BLTP1: variants seen among roughly 807,000 people sequenced by gnomAD.
BLTP1 encodes the protein fragile site-associated protein.
chr4:122,249,947 G>C, the BLTP1 span: 2 of 981,848 alleles, frequency 2.0e-6, no homozygotes, highest in Non-Finnish European at 2.4e-6. Flanking sequence ...AAAATATAAA[G>C]CCACCCAATT....
At chr4:122,213,158 G>A in the BLTP1 span, among the ~76,000 whole-genome samples, 1 of 152,026 alleles carries the variant, frequency 6.6e-6, no homozygotes, top group East Asian at 1.9e-4. Context: ...TCAGCCTGTT[G>A]AGTAGCTAGG....
At chr4:122,356,635 C>G in the BLTP1 span, 1 of 1,611,754 alleles carries the variant, frequency 6.2e-7, no homozygotes, top group East Asian at 2.2e-5. Context: ...CAGCCTGAAG[C>G]CAAAAGTAGA....
At chr4:122,305,973 T>G in the BLTP1 span, 2 of 1,612,414 alleles carry the variant, frequency 1.2e-6, no homozygotes, top group Non-Finnish European at 1.7e-6. Flanking sequence ...CAGTGGTTCT[T>G]CAGATAGGGA....
chr4:122,294,342 G>A, the BLTP1 span, among the ~76,000 whole-genome samples: 1 of 152,326 alleles, frequency 6.6e-6, no homozygotes, highest in South Asian at 2.1e-4. Flanking sequence ...GACACCTCCT[G>A]TAGGAGTGTT....
chr4:122,215,285 CTT>C, the BLTP1 span: 1 of 840,374 alleles, frequency 1.2e-6, no homozygotes, highest in Non-Finnish European at 1.4e-6. Flanking sequence ...TATCTTTTTT[CTT>C]TTTACTGTAA....
At chr4:122,220,257 G>A in the BLTP1 span, 2 of 1,476,246 alleles carry the variant, frequency 1.4e-6, no homozygotes, top group African/African-American at 1.4e-5. Context: ...CATGACAGAT[G>A]TAATTTTTAT....
At chr4:122,289,212 T>G in the BLTP1 span, 1 of 1,529,716 alleles carries the variant, frequency 6.5e-7, no homozygotes, top group Non-Finnish European at 9.0e-7. Context: ...TCTAGTACCT[T>G]ATAGTATAGG....
chr4:122,222,307 T>C, the BLTP1 span, among the ~76,000 whole-genome samples: 5 of 152,156 alleles, frequency 3.3e-5, no homozygotes, highest in Admixed American at 2.6e-4. Context: ...CAAATCTGGG[T>C]TACCCACTTG....
chr4:122,239,759 GAGA>G, the BLTP1 span: 1 of 1,614,112 alleles, frequency 6.2e-7, no homozygotes, highest in East Asian at 2.2e-5. Flanking sequence ...CAAAGCAGAG[GAGA>G]AGTTTTGGTT....
the BLTP1 span, chr4:122,273,545 A>AAATGAGTATG: frequency 3.9e-6 from 2 of 509,564 alleles, no homozygotes; most frequent in Non-Finnish European, 5.1e-6. Flanking sequence ...GAATGACCAT[A>AAATGAGTATG]CTCATTTATG....
At chr4:122,219,971 T>A in the BLTP1 span, among the ~76,000 whole-genome samples, 1 of 152,036 alleles carries the variant, frequency 6.6e-6, no homozygotes, top group African/African-American at 2.4e-5. Context: ...ACCCTGGGGG[T>A]TGAATTATGT....
the BLTP1 span, among the ~76,000 whole-genome samples, chr4:122,220,115 G>A: frequency 4.6e-5 from 7 of 152,192 alleles, no homozygotes; most frequent in Non-Finnish European, 8.8e-5. Context: ...GTGTGTGTCC[G>A]GGTTGCAGTG....
the BLTP1 span, chr4:122,345,874 G>A: frequency 5.4e-6 from 1 of 184,038 alleles, no homozygotes; most frequent in Non-Finnish European, 1.0e-5. Context: ...ATAAACTTAA[G>A]TATAAGTTGT....
At chr4:122,185,285 T>C in the BLTP1 span, 1 of 981,274 alleles carries the variant, frequency 1.0e-6, no homozygotes, top group Non-Finnish European at 1.2e-6. Context: ...TTGAATTTGT[T>C]CAATAGAGAT....
the BLTP1 span, chr4:122,306,144 C>T: frequency 1.7e-6 from 2 of 1,183,228 alleles, no homozygotes; most frequent in Non-Finnish European, 1.2e-6. Context: ...TGCTTGACAG[C>T]TAAATGGTTC....
chr4:122,201,966 T>C, the BLTP1 span: 6 of 630,864 alleles, frequency 9.5e-6, no homozygotes, highest in Non-Finnish European at 1.2e-5. Flanking sequence ...TGCTCTATAA[T>C]GTTGTGTAAA....
the BLTP1 span, among the ~76,000 whole-genome samples, chr4:122,357,811 T>G: frequency 6.6e-6 from 1 of 152,218 alleles, no homozygotes; most frequent in Non-Finnish European, 1.5e-5. Context: ...AGTCACACTA[T>G]AATATTGTTT....
chr4:122,270,379 GTTA>G, the BLTP1 span: 1 of 980,970 alleles, frequency 1.0e-6, no homozygotes. Context: ...GGGGCTTATT[GTTA>G]TTATTGGTAG....
the BLTP1 span, chr4:122,188,103 T>TAAAAATAATA: frequency 7.0e-7 from 1 of 1,434,756 alleles, no homozygotes; most frequent in Non-Finnish European, 9.2e-7. Context: ...GAAAATCTTA[T>TAAAAATAATA]AAAAATAATA....
Sources: allele counts gnomAD v4.1 joint callset (sites outside exome capture counted in the v4.1 genomes callset), GRCh38; gene constraint gnomAD v4.1.1; transcripts MANE v1.5; gene names NCBI Gene and HGNC (gene_info 2026-07-23, HGNC 2026-07-21).